The following ACTR3C variants were observed in gnomAD, a reference collection of about 807,000 sequenced individuals.
The protein encoded by ACTR3C is actin related protein 3C.
In ACTR3C, 18 loss-of-function variants were observed where a neutral mutation model predicts 26.3. The observed-to-expected ratio is 0.68, with a 90% CI of 0.47 to 1.01. ACTR3C has a LOEUF of 1.01. Among genes scored for constraint, ACTR3C ranks in the 50% least tolerant of loss-of-function variants. ACTR3C has a pLI of 0.00. For missense variants in ACTR3C, 184 were observed against 250.7 expected (o/e 0.73, Z 1.80); for synonymous variants, 55 against 94.5 (o/e 0.58, Z 2.42).
At chr7:150,082,606 C>G in the ACTR3C span, among the ~76,000 whole-genome samples, 10 of 152,110 alleles carry the variant, frequency 6.6e-5, no homozygotes, top group Admixed American at 1.3e-4. Context: ...GAGTGCCCAG[C>G]TGGTTCCATG....
the ACTR3C span, among the ~76,000 whole-genome samples, chr7:149,992,473 T>C: frequency 3.3e-5 from 5 of 152,238 alleles, no homozygotes; most frequent in Non-Finnish European, 5.9e-5. Flanking sequence ...TCATAAAATA[T>C]GACTAAGTTG....
chr7:149,998,238 G>C, the ACTR3C span, among the ~76,000 whole-genome samples: 2 of 151,484 alleles, frequency 1.3e-5, 1 homozygote, highest in South Asian at 4.2e-4. Flanking sequence ...TCTGTCTCCA[G>C]ACCATAGTGT....
At chr7:149,998,645 C>T in the ACTR3C span, among the ~76,000 whole-genome samples, 1 of 149,958 alleles carries the variant, frequency 6.7e-6, no homozygotes, top group Non-Finnish European at 1.5e-5. Context: ...ACCATCTCCA[C>T]GATTAAATTA....
At chr7:150,304,109 G>A (rs1048972332) in intron 1 of ACTR3C, among the ~76,000 whole-genome samples, 1 of 152,194 alleles carries the variant, frequency 6.6e-6, no homozygotes, top group African/African-American at 2.4e-5. Flanking sequence ...GAGAGGAGGC[G>A]ACAATATACT....
chr7:150,218,985 G>T, the ACTR3C span, among the ~76,000 whole-genome samples: 110 of 152,076 alleles, frequency 7.2e-4, no homozygotes, highest in African/African-American at 2.1e-3. Context: ...AGAGATCAGA[G>T]AAATGACTTG....
At chr7:150,299,473 AAAAAAAAAAAAAAAAAAAAAAC>A (rs1271308002) in intron 1 of ACTR3C, among the ~76,000 whole-genome samples, 2 of 143,228 alleles carry the variant, frequency 1.4e-5, no homozygotes, top group Non-Finnish European at 3.0e-5. Flanking sequence ...TCAAAAAAAA[AAAAAAAAAAAAAAAAAAAAAAC>A]AAAAAACAGG....
the ACTR3C span, among the ~76,000 whole-genome samples, chr7:150,016,513 T>C: frequency 2.6e-5 from 4 of 152,142 alleles, no homozygotes; most frequent in East Asian, 3.9e-4. Flanking sequence ...GAACTGGCTT[T>C]GACCTACCAG....
At chr7:149,929,400 C>T in the ACTR3C span, among the ~76,000 whole-genome samples, 1 of 106,322 alleles carries the variant, frequency 9.4e-6, no homozygotes, top group African/African-American at 3.5e-5. Context: ...TGCACTCCAG[C>T]CTAGGAAACA....
At chr7:150,316,483 A>ATTTTTTTTT (rs35767189) in intron 1 of ACTR3C, among the ~76,000 whole-genome samples, 1 of 80,528 alleles carries the variant, frequency 1.2e-5, no homozygotes, top group Non-Finnish European at 2.7e-5. Context: ...GAATCTGGTT[A>ATTTTTTTTT]TTTTTTTTTT....
intron 1 of ACTR3C, chr7:150,323,257 A>G (rs541076262): frequency 4.2e-6 from 1 of 237,242 alleles, no homozygotes; most frequent in South Asian, 4.1e-5. Context: ...GCGCGCGAAG[A>G]CCCCCGCAGG....
the ACTR3C span, among the ~76,000 whole-genome samples, chr7:149,897,215 G>T: frequency 1.3e-5 from 2 of 152,156 alleles, no homozygotes; most frequent in Admixed American, 6.5e-5. Flanking sequence ...GTTAACCATG[G>T]ATGGTAGAGC....
the ACTR3C span, among the ~76,000 whole-genome samples, chr7:150,082,634 C>A: frequency 6.6e-6 from 1 of 152,180 alleles, no homozygotes; most frequent in African/African-American, 2.4e-5. Flanking sequence ...ATAATAATGA[C>A]AGGGCCATAC....
chr7:150,207,404 G>A, the ACTR3C span, among the ~76,000 whole-genome samples: 1 of 152,226 alleles, frequency 6.6e-6, no homozygotes, highest in East Asian at 1.9e-4. Context: ...ATAGCAAGGA[G>A]TCCAATGCTT....
downstream of ACTR3C, chr7:150,246,442 G>T (rs1057172483): frequency 6.6e-6 from 1 of 152,182 alleles, no homozygotes; most frequent in Non-Finnish European, 1.5e-5. Flanking sequence ...TGCTGTCAGA[G>T]CTACCCCGTC....
chr7:150,088,473 C>T, the ACTR3C span, among the ~76,000 whole-genome samples: 22 of 152,022 alleles, frequency 1.4e-4, no homozygotes, highest in Admixed American at 9.2e-4. Context: ...TCATGCAAAG[C>T]GAAGGAAATA....
chr7:150,164,737 GT>G, the ACTR3C span, among the ~76,000 whole-genome samples: 2,076 of 152,074 alleles, frequency 0.014, 41 homozygotes, highest in African/African-American at 0.048. Context: ...TATTTTGTTT[GT>G]TTCTTCTTTT....
At chr7:150,068,881 T>C in the ACTR3C span, among the ~76,000 whole-genome samples, 1 of 151,936 alleles carries the variant, frequency 6.6e-6, no homozygotes, top group African/African-American at 2.4e-5. Context: ...GATAATTTAC[T>C]TTGTAAGGAA....
chr7:150,256,953 T>C (rs572189724), intron 6 of ACTR3C, among the ~76,000 whole-genome samples: 2 of 152,280 alleles, frequency 1.3e-5, no homozygotes, highest in African/African-American at 2.4e-5. Flanking sequence ...ACTCAAACCA[T>C]ATGGAGTATA....
At chr7:150,282,500 A>T (rs1213716588) in intron 6 of ACTR3C, among the ~76,000 whole-genome samples, 1 of 142,992 alleles carries the variant, frequency 7.0e-6, no homozygotes, top group Admixed American at 6.7e-5. Flanking sequence ...GCCCCAGGAC[A>T]TTCAATCCTT....
Sources: gnomAD v4.1 joint callset for allele counts (sites outside exome capture counted in the v4.1 genomes callset) on GRCh38, gnomAD v4.1.1 for gene constraint, MANE v1.5 for transcripts, NCBI Gene and HGNC (gene_info 2026-07-23, HGNC 2026-07-21) for gene names.